The following SOCS7 variants were observed in gnomAD, a reference collection of about 807,000 sequenced individuals.
SOCS7 encodes the protein suppressor of cytokine signaling 7.
Under a neutral mutation model 58.9 loss-of-function variants are expected in SOCS7, and 18 were observed. That is an observed-to-expected ratio of 0.31 (90% CI 0.21 to 0.45). SOCS7 has a LOEUF of 0.45. Among genes scored for constraint, SOCS7 ranks in the 20% least tolerant of loss-of-function variants. The pLI is 1.00. For synonymous variants in SOCS7, 388 were observed against 364.3 expected (o/e 1.06, Z -0.74); for missense variants, 667 against 837.3 (o/e 0.80, Z 2.51).
At chr17:38,387,135 A>ATATATATATATATATGTGTG (rs2038085251) in intron 7 of SOCS7, among the ~76,000 whole-genome samples, 29 of 94,246 alleles carry the variant, frequency 3.1e-4, no homozygotes, top group African/African-American at 1.7e-3. Flanking sequence ...ATATGTATGT[A>ATATATATATATATATGTGTG]TATATATATA....
At chr17:38,375,540 A>G (rs2037920044) in intron 6 of SOCS7, among the ~76,000 whole-genome samples, 1 of 152,206 alleles carries the variant, frequency 6.6e-6, no homozygotes. Flanking sequence ...AATACATATC[A>G]CATACAAAAT....
At chr17:38,379,661 T>G (rs980966063) in intron 7 of SOCS7, among the ~76,000 whole-genome samples, 1 of 152,088 alleles carries the variant, frequency 6.6e-6, no homozygotes, top group Non-Finnish European at 1.5e-5. Context: ...TCTTGTAATC[T>G]TGGGGATTTG....
intron 7 of SOCS7, among the ~76,000 whole-genome samples, chr17:38,393,401 C>A (rs1003733585): frequency 6.6e-6 from 1 of 152,162 alleles, no homozygotes; most frequent in African/African-American, 2.4e-5. Flanking sequence ...CTTTGGGAGG[C>A]TGAGGCAGGT....
chr17:38,351,916 C>T lies in SOCS7; in HGVS notation c.-137C>T, dbSNP rs909700312. Among the ~76,000 whole-genome samples, 3 of 151,244 alleles carry T rather than the reference C, an allele frequency of 2.0e-5. No homozygotes were observed. The highest frequency in any genetic ancestry group is 2.0e-4 in the Admixed American group (3 of 15,230). ...GCTGGGCTCCGCGCGCCCCCCGCCCCCCTCTATGAGGCAGAGGCCGCGGCG... is the reference window on the plus strand; with the variant it reads ...GCTGGGCTCCGCGCGCCCCCCGCCCTCCTCTATGAGGCAGAGGCCGCGGCG... On this transcript the variant is annotated 5_prime_UTR_variant, in exon 1 of 10. Coordinates refer to ENST00000612932, the MANE Select transcript of SOCS7 (RefSeq NM_014598.4).
At position 38,352,120 on chromosome 17, in the gene SOCS7, G is replaced by A. The variant is rs2037560841; in HGVS notation, c.68G>A (p.Arg23His). The A allele has an allele frequency of 9.5e-6, 8 of 844,786 alleles. No homozygotes were observed. The South Asian group carries it at 3.2e-4, about 34-fold the overall frequency. 52.3% of individuals were successfully genotyped at this position (844,786 alleles called of 1,614,324 possible). A position where few individuals can be genotyped will look rare whatever the true frequency, so the allele number is the denominator to read the frequency against. Reference sequence around the variant, plus strand: ...GCCGCTTCGTACCGCGTCCTGAGCCGCCTCCTTGGCTATGGAGAGGCGGCC... The same window carrying A: ...GCCGCTTCGTACCGCGTCCTGAGCCACCTCCTTGGCTATGGAGAGGCGGCC... ...AAAASYRVLSRLLGYGEAAPE... is the reference protein window; with the variant it reads ...AAAASYRVLSHLLGYGEAAPE... The change falls in exon 1 of 10, where the codon CGC (arginine) becomes CAC (histidine). Residue 23 changes from arginine to histidine, a missense_variant. This residue lies in a region of SOCS7 where 65 missense variants were observed against 51.0 expected (regional missense o/e 1.27). Transcript: ENST00000612932. This position sits in a 1 kb window ranked among gnomAD's most constrained non-coding sequence, Gnocchi z 5.5.
At chr17:38,389,595 A>G (rs1173239009) in intron 7 of SOCS7, among the ~76,000 whole-genome samples, 1 of 151,618 alleles carries the variant, frequency 6.6e-6, no homozygotes, top group Non-Finnish European at 1.5e-5. Flanking sequence ...TCAGATATAA[A>G]TTACAAATAT....
At chr17:38,359,497 C>T (rs892524432) in intron 1 of SOCS7, among the ~76,000 whole-genome samples, 1 of 152,128 alleles carries the variant, frequency 6.6e-6, no homozygotes, top group African/African-American at 2.4e-5. Flanking sequence ...CTGAGAAGCT[C>T]AGACATCAGT....
chr17:38,385,025 T>C (rs1011364695), intron 7 of SOCS7, among the ~76,000 whole-genome samples: 5 of 151,340 alleles, frequency 3.3e-5, no homozygotes, highest in Admixed American at 6.6e-5. Flanking sequence ...GCCTCCCAAG[T>C]TGCTGGGATT....
At chr17:38,364,994 G>A (rs2037770301) in intron 3 of SOCS7, 138 bp downstream of exon 3, 5 of 653,252 alleles carry the variant, frequency 7.7e-6, no homozygotes, top group South Asian at 1.9e-5. Flanking sequence ...TCAGCACCCC[G>A]TCATCTCCCT....
At chr17:38,386,376 C>G (rs780829569) in intron 7 of SOCS7, among the ~76,000 whole-genome samples, 2 of 148,256 alleles carry the variant, frequency 1.3e-5, no homozygotes, top group Non-Finnish European at 3.0e-5. Context: ...GCAGGGTAAT[C>G]GCTTGAGTCT....
intron 1 of SOCS7, among the ~76,000 whole-genome samples, chr17:38,357,423 T>C (rs1597682082): frequency 6.6e-6 from 1 of 152,354 alleles, no homozygotes; most frequent in Middle Eastern, 3.4e-3. Context: ...AAAAAAAATC[T>C]CTGTCCATTT....
At position 38,402,999 on chromosome 17, in the gene SOCS7, G is replaced by A. The variant is rs1220401904; in HGVS notation, c.*3517G>A. 5 of 152,248 alleles carry A rather than the reference G, an allele frequency of 3.3e-5. No homozygotes were observed. The highest frequency in any genetic ancestry group is 7.3e-5 in the Non-Finnish European group (5 of 68,054). 9.4% of individuals were successfully genotyped at this position (152,248 alleles called of 1,614,324 possible). Reference sequence around the variant, plus strand: ...TTGGTAGCACAGGAGTAGGCGGGCGGGGGTTTTGGTGTGGGCACTAGGTAA... The same window carrying A: ...TTGGTAGCACAGGAGTAGGCGGGCGAGGGTTTTGGTGTGGGCACTAGGTAA... On this transcript the variant is annotated 3_prime_UTR_variant, in exon 10 of 10. Coordinates refer to ENST00000612932, the MANE Select transcript of SOCS7 (RefSeq NM_014598.4).
At chr17:38,394,246 C>T (rs571963955) in intron 7 of SOCS7, among the ~76,000 whole-genome samples, 2 of 152,302 alleles carry the variant, frequency 1.3e-5, no homozygotes, top group African/African-American at 2.4e-5. Flanking sequence ...TATTTGGCAT[C>T]AATCAGCAGG....
chr17:38,389,865 GTACATA>G (rs1330650473), intron 7 of SOCS7, among the ~76,000 whole-genome samples: 592 of 26,898 alleles, frequency 0.022, 90 homozygotes, highest in African/African-American at 0.061. Flanking sequence ...GTGTATGTGT[GTACATA>G]TATATATATA....
Position 38,395,851 on chromosome 17 carries a change from T to G in SOCS7, c.1821T>G (p.Pro607=). 1 of 1,609,606 alleles carries G rather than the reference T, an allele frequency of 6.2e-7. No individual in the cohort carries two copies. ...DHIPDLPLPK[P]LISYIRKFYY... ...ATCCGTCATTTGTTTTTCACAGACC[T>G]CTGATCTCTTATATCCGAAAGTTCT... The change falls in exon 9 of 10, where the codon CCT becomes CCG. Residue 607 remains proline, a synonymous_variant. Transcript: ENST00000612932.
chr17:38,401,772 A>C lies in SOCS7; in HGVS notation c.*2290A>C, dbSNP rs569742481. On this transcript the variant is annotated 3_prime_UTR_variant, in exon 10 of 10. Transcript: ENST00000612932. ...CAAAAGCAAGGAAGCAGAAATCTGC[A>C]TGGCATGTACTGAACAGTGCACAGC... The C allele has an allele frequency of 1.1e-4, 17 of 152,424 alleles. No homozygotes were observed. The highest frequency in any genetic ancestry group is 4.1e-4 in the African/African-American group (17 of 41,588). The allele number at this position is 152,424 out of a possible 1,614,324, so 9.4% of individuals were successfully genotyped here.
intron 1 of SOCS7, 22 bp downstream of exon 1, chr17:38,353,054 C>A: frequency 6.5e-7 from 1 of 1,533,754 alleles, no homozygotes; most frequent in Non-Finnish European, 8.7e-7. Flanking sequence ...CGGGGGCTGG[C>A]CGACAAACTT....
At chr17:38,356,403 A>C (rs967458208) in intron 1 of SOCS7, among the ~76,000 whole-genome samples, 2 of 151,148 alleles carry the variant, frequency 1.3e-5, no homozygotes, top group Non-Finnish European at 3.0e-5. Flanking sequence ...GGGGGGATGG[A>C]GTCTCACTCT....
intron 6 of SOCS7, among the ~76,000 whole-genome samples, chr17:38,373,979 G>A (rs1381816342): frequency 6.6e-6 from 1 of 152,240 alleles, no homozygotes. Flanking sequence ...CCAGCACTTT[G>A]AGAGGCCAAG....
Sources: gnomAD v4.1 joint callset for allele counts (sites outside exome capture counted in the v4.1 genomes callset) on GRCh38, gnomAD v4.1.1 for gene constraint, gnomAD v4.1.1 regional missense constraint, Gnocchi (gnomAD v3.1) non-coding constraint, MANE v1.5 for transcripts, NCBI Gene and HGNC (gene_info 2026-07-23, HGNC 2026-07-21) for gene names.